Variants in IRGQ observed in about 807,000 individuals in gnomAD.
IRGQ encodes the protein immunity-related GTPase family Q protein.
Under a neutral mutation model 10.5 loss-of-function variants are expected in IRGQ, and 5 were observed. The ratio of observed to expected loss-of-function variants is 0.48; its 90% CI spans 0.25 to 1.00. The LOEUF (loss-of-function observed/expected upper bound fraction) is 1.00. Among genes scored for constraint, IRGQ ranks in the 50% least tolerant of loss-of-function variants. The pLI, the probability that IRGQ is intolerant of heterozygous loss-of-function variation, is 0.16. For synonymous variants in IRGQ, 418 were observed against 426.0 expected (o/e 0.98, Z 0.23); for missense variants, 792 against 877.7 (o/e 0.90, Z 1.23).
chr19:43,593,864 T>C lies in IRGQ; in HGVS notation c.531-497A>G, dbSNP rs1238273108. ...TGAGGGGAGAAATCTCATCTACCAG[T>C]TCTTACCAAGGGGGAGTGGCTAAGG... is the stretch of plus-strand genomic sequence containing the variant. On this transcript the variant is annotated intron_variant, in intron 2 of 2. Transcript: ENST00000422989. This position sits in a 1 kb window ranked among gnomAD's most constrained non-coding sequence, Gnocchi z 6.4. 6.6e-6 allele frequency among the ~76,000 whole-genome samples: 1 copy of C among 152,046 alleles called. No individual in the cohort carries two copies. Among genetic ancestry groups the C allele is most frequent in the African/African-American group, 2.4e-5 (1 of 41,388 alleles).
At position 43,590,898 on chromosome 19, in the gene IRGQ, G is replaced by A. The variant is rs1171783284; in HGVS notation, c.*1128C>T. 2.6e-5 allele frequency: 4 copies of A among 152,156 alleles called. No homozygotes were observed. The highest frequency in any genetic ancestry group is 9.7e-5 in the African/African-American group (4 of 41,402). The allele number at this position is 152,156 out of a possible 1,614,324, so 9.4% of individuals were successfully genotyped here. On this transcript the variant is annotated 3_prime_UTR_variant, in exon 3 of 3. Coordinates refer to ENST00000422989, the MANE Select transcript of IRGQ (RefSeq NM_001007561.3). Reference sequence around the variant, plus strand: ...AAGGTTTGGAGGAGCTGTCTCTGAGGTATGCTTTACTGCCCTTCCACACCC... The same window carrying A: ...AAGGTTTGGAGGAGCTGTCTCTGAGATATGCTTTACTGCCCTTCCACACCC...
rs772512253 is a variant in IRGQ, at chr19:43,593,343, G to A, written c.555C>T (p.Gly185=). 5 of 1,518,626 alleles carry A rather than the reference G, an allele frequency of 3.3e-6. No homozygotes were observed. The highest frequency in any genetic ancestry group is 2.2e-5 in the Admixed American group (1 of 45,132). 94.1% of individuals were successfully genotyped at this position (1,518,626 alleles called of 1,614,324 possible). A position where few individuals can be genotyped will look rare whatever the true frequency, so the allele number is the denominator to read the frequency against. Residue 185 remains glycine, a synonymous_variant, in exon 3 of 3, where the codon GGC becomes GGT. Transcript: ENST00000422989. The surrounding 1 kb of genome is among the most constrained non-coding windows in gnomAD (Gnocchi z 6.4). ...GCTCTGCTGCACCCAACACCTCGAA[G>A]CCATCCTGCGCCGGTGGCAGGAGCC... ...LRRLLPPAQD[G]FEVLGAAELE... is the part of the protein sequence containing the mutation.
In IRGQ at chr19:43,593,132, A is replaced by G. The variant is rs1253184147; in HGVS notation, c.766T>C (p.Ser256Pro). The change falls in exon 3 of 3, where the codon TCG (serine) becomes CCG (proline). Residue 256 changes from serine (S) to proline (P), a missense_variant. Ser to Pro is a moderately conservative substitution (Grantham distance 74, BLOSUM62 -1). Transcript: ENST00000422989. The surrounding 1 kb of genome is among the most constrained non-coding windows in gnomAD (Gnocchi z 6.4). ...AAGGGAGTGGGTGCTGTGGGGACCG[A>G]AGCAGGCGCAGCGCCTGGGTCGCCA... ...DPGDPGAAPA[S>P]VPTAPTPFPA... is the part of the protein sequence containing the mutation. The G allele has an allele frequency of 6.4e-7, 1 of 1,563,370 alleles. No individual in the cohort carries two copies. The highest frequency in any genetic ancestry group is 1.4e-5 in the African/African-American group (1 of 73,548).
In IRGQ at chr19:43,593,550, G is replaced by C. The variant is rs1019250927; in HGVS notation, c.531-183C>G. 6.6e-6 allele frequency among the ~76,000 whole-genome samples: 1 copy of C among 152,252 alleles called. No homozygotes were observed. On this transcript the variant is annotated intron_variant, in intron 2 of 2. Coordinates refer to ENST00000422989, the MANE Select transcript of IRGQ (RefSeq NM_001007561.3). This position sits in a 1 kb window ranked among gnomAD's most constrained non-coding sequence, Gnocchi z 6.4. Reference sequence around the variant, plus strand: ...GATAGGGAGAGGCAGTGATGATATGGGTGGGGCTTCAAGCAATAATGGAGT... The same window carrying C: ...GATAGGGAGAGGCAGTGATGATATGCGTGGGGCTTCAAGCAATAATGGAGT...
intron 2 of IRGQ, 82 bp downstream of exon 2, chr19:43,594,727 G>A (rs1420691978): frequency 2.5e-6 from 3 of 1,206,594 alleles, no homozygotes; most frequent in African/African-American, 1.5e-5. Context: ...CTCACTGGGG[G>A]AGGGATCTCA....
In IRGQ at chr19:43,591,859, A is replaced by G. The variant is rs1209924334; in HGVS notation, c.*167T>C. On this transcript the variant is annotated 3_prime_UTR_variant, in exon 3 of 3. Transcript: ENST00000422989. ...GACTTCGTCTCACAAAAAAAAGAAA[A>G]AAAAAAAAAAAAATCAGGATTCCTG... is the stretch of plus-strand genomic sequence containing the variant. 7.3e-6 allele frequency: 5 copies of G among 687,798 alleles called. No homozygotes were observed. Among genetic ancestry groups the G allele is most frequent in the Non-Finnish European group, 1.1e-5 (5 of 450,184 alleles). 42.6% of individuals were successfully genotyped at this position (687,798 alleles called of 1,614,324 possible).
In IRGQ at chr19:43,593,181, C is replaced by T; in HGVS notation, c.717G>A (p.Val239=). 2 of 1,564,614 alleles carry T rather than the reference C, an allele frequency of 1.3e-6. No homozygotes were observed. The highest frequency in any genetic ancestry group is 1.7e-6 in the Non-Finnish European group (2 of 1,152,650). The change falls in exon 3 of 3, where the codon GTG becomes GTA. Residue 239 remains valine, a synonymous_variant. Transcript: ENST00000422989. This position sits in a 1 kb window ranked among gnomAD's most constrained non-coding sequence, Gnocchi z 6.4. The stretch of plus-strand genomic sequence containing the variant: ...CAGGATCCAATCCAAGCAGCATGTC[C>T]ACCACAAGGCCCACGTCAGCCTTGC... The part of the protein sequence containing the change: ...VAGKADVGLV[V]DMLLGLDPGD...
Position 43,594,965 on chromosome 19 carries a change from G to A in IRGQ, c.374C>T (p.Ala125Val), listed in dbSNP as rs770944964. Reference sequence around the variant, plus strand: ...AGCTGCTGTCTGATCACGGGCCTGGGCGGCAGTCTGTGAATCCCCAGGACG... The same window carrying A: ...AGCTGCTGTCTGATCACGGGCCTGGACGGCAGTCTGTGAATCCCCAGGACG... ...NLRPGDSQTA[A>V]QARDQTAALL... The change falls in exon 2 of 3, where the codon GCC (alanine) becomes GTC (valine). Residue 125 changes from alanine (A) to valine (V), a missense_variant. By Grantham distance (64) the Ala-to-Val change is moderately conservative. Coordinates refer to ENST00000422989, the MANE Select transcript of IRGQ (RefSeq NM_001007561.3). The A allele has an allele frequency of 3.7e-6, 6 of 1,614,046 alleles. No homozygotes were observed. The highest frequency in any genetic ancestry group is 2.2e-5 in the East Asian group (1 of 44,878).
rs1403460674 is a variant in IRGQ at position 43,592,631 on chromosome 19, C to T, written c.1267G>A (p.Val423Met). 6.2e-6 allele frequency: 10 copies of T among 1,603,090 alleles called. No homozygotes were observed. The highest frequency in any genetic ancestry group is 2.2e-5 in the South Asian group (2 of 91,092). Residue 423 changes from valine (V) to methionine (M), a missense_variant, in exon 3 of 3, where the codon GTG becomes ATG. By Grantham distance (21) the Val-to-Met change is conservative. Transcript: ENST00000422989. ...ALSPEDETWE[V>M]LEEAPPPVFP... Reference sequence around the variant, plus strand: ...ACTGGCGGCGGCGCCTCCTCCAGCACCTCCCACGTCTCGTCCTCCGGGCTT... The same window carrying T: ...ACTGGCGGCGGCGCCTCCTCCAGCATCTCCCACGTCTCGTCCTCCGGGCTT...
chr19:43,584,468 C>T lies in IRGQ; in HGVS notation c.*7558G>A, dbSNP rs1013513469. The T allele has an allele frequency of 2.6e-5, 4 of 152,218 alleles. No homozygotes were observed. The highest frequency in any genetic ancestry group is 7.2e-5 in the African/African-American group (3 of 41,442). The allele number at this position is 152,218 out of a possible 1,614,324, so 9.4% of individuals were successfully genotyped here. Reference sequence around the variant, plus strand: ...ACATCAGAGGCTCAGAAGGCTGTCACATTGGCAGTCACACAGCTAAAAAGT... The same window carrying T: ...ACATCAGAGGCTCAGAAGGCTGTCATATTGGCAGTCACACAGCTAAAAAGT... On this transcript the variant is annotated 3_prime_UTR_variant, in exon 3 of 3. Transcript: ENST00000422989.
At position 43,595,047 on chromosome 19, in the gene IRGQ, C is replaced by G. The variant is rs1973115535; in HGVS notation, c.292G>C (p.Glu98Gln). Reference sequence around the variant, plus strand: ...CGGGCCAGGGCGGCCAGCGCTGCCTCTCCCAGGGCTGGAGCCAACGGTTCC... The same window carrying G: ...CGGGCCAGGGCGGCCAGCGCTGCCTGTCCCAGGGCTGGAGCCAACGGTTCC... ...NGEPLAPALG[E>Q]AALAALARGT... Residue 98 changes from glutamate (E) to glutamine (Q), a missense_variant, in exon 2 of 3, where the codon GAG (glutamate) becomes CAG (glutamine). Transcript: ENST00000422989. 3 of 1,613,272 alleles carry G rather than the reference C, an allele frequency of 1.9e-6. No homozygotes were observed. The highest frequency in any genetic ancestry group is 2.5e-6 in the Non-Finnish European group (3 of 1,179,768).
In IRGQ at chr19:43,591,823, G is replaced by A. The variant is rs1277968836; in HGVS notation, c.*203C>T. 2 of 506,352 alleles carry A rather than the reference G, an allele frequency of 3.9e-6. No homozygotes were observed. The highest frequency in any genetic ancestry group is 6.8e-5 in the Admixed American group (2 of 29,336). 31.4% of individuals were successfully genotyped at this position (506,352 alleles called of 1,614,324 possible). A position where few individuals can be genotyped will look rare whatever the true frequency, so the allele number is the denominator to read the frequency against. ...AGGTCGCGCCATTGCACTCCAGCCT[G>A]GGCAACAAGAGACTTCGTCTCACAA... On this transcript the variant is annotated 3_prime_UTR_variant, in exon 3 of 3. Transcript: ENST00000422989.
At position 43,586,043 on chromosome 19, in the gene IRGQ, A is replaced by C. The variant is rs3817; in HGVS notation, c.*5983T>G. 0.51 allele frequency: 77,868 copies of C among 152,040 alleles called. 20,075 individuals carry two copies. Among genetic ancestry groups the C allele is most frequent in the South Asian group, 0.54 (2,594 of 4,818 alleles). The allele number at this position is 152,040 out of a possible 1,614,324, so 9.4% of individuals were successfully genotyped here. A position where few individuals can be genotyped will look rare whatever the true frequency, so the allele number is the denominator to read the frequency against. ...CACTGCAGTGGACACAAATCCCTCC[A>C]TCATTATCCAGGCATGGATGGAACT... On this transcript the variant is annotated 3_prime_UTR_variant, in exon 3 of 3. Coordinates refer to ENST00000422989, the MANE Select transcript of IRGQ (RefSeq NM_001007561.3).
chr19:43,592,935 T>A lies in IRGQ; in HGVS notation c.963A>T (p.Leu321=). Residue 321 remains leucine (L), a synonymous_variant, in exon 3 of 3, where the codon CTA becomes CTT. Coordinates refer to ENST00000422989, the MANE Select transcript of IRGQ (RefSeq NM_001007561.3). ...KDWAQVQALL[L]PDAPLVCVRT... ...GCACGCAGACAAGAGGCGCATCTGG[T>A]AGCAGCAAGGCCTGGACCTGGGCCC... 6.2e-7 allele frequency: 1 copy of A among 1,611,012 alleles called. No individual in the cohort carries two copies. Among genetic ancestry groups the A allele is most frequent in the Non-Finnish European group, 8.5e-7 (1 of 1,179,970 alleles).
chr19:43,585,117 T>C lies in IRGQ; in HGVS notation c.*6909A>G, dbSNP rs1972978905. 6.6e-6 allele frequency: 1 copy of C among 152,196 alleles called. No homozygotes were observed. Among genetic ancestry groups the C allele is most frequent in the South Asian group, 2.1e-4 (1 of 4,828 alleles). 9.4% of individuals were successfully genotyped at this position (152,196 alleles called of 1,614,324 possible). A position where few individuals can be genotyped will look rare whatever the true frequency, so the allele number is the denominator to read the frequency against. ...TGAAATTCTTCCACCTTTGCCTCCCTAAGTGCTGGGATTATGGGTTTATAC... is the reference window on the plus strand; with the variant it reads ...TGAAATTCTTCCACCTTTGCCTCCCCAAGTGCTGGGATTATGGGTTTATAC... On this transcript the variant is annotated 3_prime_UTR_variant, in exon 3 of 3. Transcript: ENST00000422989.
In IRGQ at chr19:43,588,684, A is replaced by T. The variant is rs1460758520; in HGVS notation, c.*3342T>A. 1.3e-5 allele frequency: 2 copies of T among 152,296 alleles called. No individual in the cohort carries two copies. Among genetic ancestry groups the T allele is most frequent in the Admixed American group, 6.5e-5 (1 of 15,284 alleles). The allele number at this position is 152,296 out of a possible 1,614,324, so 9.4% of individuals were successfully genotyped here. A position where few individuals can be genotyped will look rare whatever the true frequency, so the allele number is the denominator to read the frequency against. ...CAGTGAGGCGAGATCGTGCCACTGC[A>T]CTCCAGCCTGGGTGATGGAGTGAAA... On this transcript the variant is annotated 3_prime_UTR_variant, in exon 3 of 3. Coordinates refer to ENST00000422989, the MANE Select transcript of IRGQ (RefSeq NM_001007561.3).
rs1973046702 is a variant in IRGQ at position 43,590,870 on chromosome 19, T to C, written c.*1156A>G. 6.6e-6 allele frequency: 1 copy of C among 152,168 alleles called. No homozygotes were observed. Among genetic ancestry groups the C allele is most frequent in the Admixed American group, 6.5e-5 (1 of 15,272 alleles). The allele number at this position is 152,168 out of a possible 1,614,324, so 9.4% of individuals were successfully genotyped here. A position where few individuals can be genotyped will look rare whatever the true frequency, so the allele number is the denominator to read the frequency against. ...ACAGAGGCAGTTGCCGGGATCCCAA[T>C]ACAAGGTTTGGAGGAGCTGTCTCTG... On this transcript the variant is annotated 3_prime_UTR_variant, in exon 3 of 3. Coordinates refer to ENST00000422989, the MANE Select transcript of IRGQ (RefSeq NM_001007561.3).
chr19:43,594,718 T>C (rs923951579), intron 2 of IRGQ, 91 bp downstream of exon 2: 3 of 1,108,130 alleles, frequency 2.7e-6, no homozygotes. Context: ...TGCCCCAAAC[T>C]CACTGGGGGA....
Position 43,593,277 on chromosome 19 carries a change from C to A in IRGQ, c.621G>T (p.Glu207Asp). 1 of 1,594,428 alleles carries A rather than the reference C, an allele frequency of 6.3e-7. No individual in the cohort carries two copies. The highest frequency in any genetic ancestry group is 8.6e-7 in the Non-Finnish European group (1 of 1,169,448). Residue 207 changes from glutamate (E) to aspartate (D), a missense_variant, in exon 3 of 3, where the codon GAG becomes GAT. Physicochemically the swap from Glu to Asp is conservative, Grantham distance 45 (BLOSUM62 2). Coordinates refer to ENST00000422989, the MANE Select transcript of IRGQ (RefSeq NM_001007561.3). This position sits in a 1 kb window ranked among gnomAD's most constrained non-coding sequence, Gnocchi z 6.4. ...VREAFETGGLEAALSWVRSGL... is the reference protein window; with the variant it reads ...VREAFETGGLDAALSWVRSGL... ...CTGAGCGCACCCACGACAGCGCAGC[C>A]TCAAGGCCGCCGGTCTCAAAGGCCT...
Sources: gnomAD v4.1 joint callset for allele counts (sites outside exome capture counted in the v4.1 genomes callset) on GRCh38, gnomAD v4.1.1 for gene constraint, Gnocchi (gnomAD v3.1) non-coding constraint, MANE v1.5 for transcripts, NCBI Gene and HGNC (gene_info 2026-07-23, HGNC 2026-07-21) for gene names.